MAPK4: variants seen among roughly 807,000 people sequenced by gnomAD.
The protein encoded by MAPK4 is Erk3-related.
A neutral mutation model predicts 47.7 loss-of-function variants in MAPK4; 22 were observed. That is an observed-to-expected ratio of 0.46 (90% CI 0.33 to 0.66). MAPK4 has a LOEUF of 0.66. MAPK4 is among the 30% of genes least tolerant of loss of function. The probability of loss-of-function intolerance (pLI) is 0.02; values close to 1 mark genes in which losing one functional copy is unlikely to be tolerated. For missense variants in MAPK4, 736 were observed against 831.7 expected (o/e 0.88, Z 1.42); for synonymous variants, 390 against 365.7 (o/e 1.07, Z -0.76).
At chr18:50,651,199 A>G (rs2043044718) in intron 1 of MAPK4, among the ~76,000 whole-genome samples, 1 of 152,208 alleles carries the variant, frequency 6.6e-6, no homozygotes, top group Non-Finnish European at 1.5e-5. Context: ...CTGAGAGCTT[A>G]CAGTGGATTC....
intron 1 of MAPK4, among the ~76,000 whole-genome samples, chr18:50,607,848 T>C (rs2042595436): frequency 2.0e-5 from 3 of 152,226 alleles, no homozygotes; most frequent in South Asian, 4.1e-4. Flanking sequence ...TCATCTCTGA[T>C]GGGTTTAAAG....
chr18:50,592,346 C>T (rs1048039586), intron 1 of MAPK4, among the ~76,000 whole-genome samples: 1 of 152,072 alleles, frequency 6.6e-6, no homozygotes, highest in South Asian at 2.1e-4. Context: ...GAACAGGGCT[C>T]GAGGAGAAAC....
intron 3 of MAPK4, among the ~76,000 whole-genome samples, chr18:50,720,850 C>T (rs1268362223): frequency 6.6e-6 from 1 of 152,198 alleles, no homozygotes; most frequent in African/African-American, 2.4e-5. Context: ...AGGCTGCAGG[C>T]ACTTCTTCGG....
At chr18:50,593,073 G>A (rs2042452053) in intron 1 of MAPK4, among the ~76,000 whole-genome samples, 2 of 152,170 alleles carry the variant, frequency 1.3e-5, no homozygotes. Flanking sequence ...CTTGCCTGAG[G>A]CCACACAGCT....
At chr18:50,579,460 C>G (rs1304342213) in intron 1 of MAPK4, among the ~76,000 whole-genome samples, 1 of 152,186 alleles carries the variant, frequency 6.6e-6, no homozygotes, top group African/African-American at 2.4e-5. Context: ...AAAAATGCAA[C>G]CACTTGAGAG....
At chr18:50,702,226 G>C (rs1402340654) in intron 2 of MAPK4, among the ~76,000 whole-genome samples, 2 of 149,148 alleles carry the variant, frequency 1.3e-5, no homozygotes, top group Non-Finnish European at 3.0e-5. Context: ...GAAAGACTTA[G>C]TTATCTTTTT....
chr18:50,623,784 T>A, intron 1 of MAPK4, among the ~76,000 whole-genome samples: 1 of 152,230 alleles, frequency 6.6e-6, no homozygotes, highest in Non-Finnish European at 1.5e-5. Flanking sequence ...TCAAAACCTC[T>A]TACCGTTTTA....
chr18:50,670,699 T>C (rs912101943), intron 2 of MAPK4, among the ~76,000 whole-genome samples: 2 of 150,576 alleles, frequency 1.3e-5, no homozygotes, highest in East Asian at 2.0e-4. Flanking sequence ...GGAGGTTGCA[T>C]TGAGCCAAGA....
intron 1 of MAPK4, among the ~76,000 whole-genome samples, chr18:50,599,422 A>G (rs2042514666): frequency 6.6e-6 from 1 of 151,978 alleles, no homozygotes; most frequent in Admixed American, 6.6e-5. Context: ...TTTTACTTTT[A>G]TTATTATTAT....
At chr18:50,714,972 G>T in intron 2 of MAPK4, 107 bp from the exon 3 acceptor site, 1 of 1,110,116 alleles carries the variant, frequency 9.0e-7, no homozygotes, top group South Asian at 1.5e-5. Context: ...AAGAATGAAA[G>T]GGACCCTGAA....
rs147310972 is a variant in MAPK4, at chr18:50,730,729, C to T, written c.*875C>T. 377 of 152,562 alleles carry T rather than the reference C, an allele frequency of 2.5e-3. 3 individuals are homozygous for T. The Middle Eastern group carries it at 0.027, about 11-fold the overall frequency. 9.5% of individuals were successfully genotyped at this position (152,562 alleles called of 1,614,324 possible). On this transcript the variant is annotated 3_prime_UTR_variant, in exon 6 of 6. Coordinates refer to ENST00000400384, the MANE Select transcript of MAPK4 (RefSeq NM_002747.4). Reference sequence around the variant, plus strand: ...GACACAGCCCTCTTTCCCCACTGGGCGTCCTACCCCAGTGAGGTTGAAGGC... The same window carrying T: ...GACACAGCCCTCTTTCCCCACTGGGTGTCCTACCCCAGTGAGGTTGAAGGC...
At chr18:50,577,015 C>G (rs2149360913) in intron 1 of MAPK4, among the ~76,000 whole-genome samples, 1 of 152,262 alleles carries the variant, frequency 6.6e-6, no homozygotes, top group South Asian at 2.1e-4. Context: ...GAGCTTGGAG[C>G]CTGCGCCATG....
chr18:50,641,120 T>A (rs1329993545), intron 1 of MAPK4, among the ~76,000 whole-genome samples: 6 of 152,228 alleles, frequency 3.9e-5, no homozygotes, highest in Non-Finnish European at 7.3e-5. Context: ...CCAGGCTCCA[T>A]TCTTTGTCTT....
chr18:50,679,105 T>C (rs1454931280), intron 2 of MAPK4, among the ~76,000 whole-genome samples: 1 of 152,210 alleles, frequency 6.6e-6, no homozygotes, highest in Non-Finnish European at 1.5e-5. Flanking sequence ...GGAGTCTGAG[T>C]TCCCCATGAA....
intron 1 of MAPK4, 44 bp downstream of exon 1, chr18:50,560,287 G>T (rs2042141158): frequency 6.6e-6 from 1 of 152,040 alleles, no homozygotes; most frequent in Non-Finnish European, 1.5e-5. Flanking sequence ...CGCCGCCTGC[G>T]CCTCTCGGAG....
chr18:50,625,493 G>A (rs988640126), intron 1 of MAPK4, among the ~76,000 whole-genome samples: 12 of 152,168 alleles, frequency 7.9e-5, no homozygotes, highest in African/African-American at 2.9e-4. Context: ...GAGCAAATGT[G>A]TATTGGGCTC....
chr18:50,713,708 C>T (rs1336037770), intron 2 of MAPK4, among the ~76,000 whole-genome samples: 4 of 152,284 alleles, frequency 2.6e-5, no homozygotes, highest in Admixed American at 1.3e-4. Flanking sequence ...GCGTGTCAGC[C>T]GGTAGCACCA....
intron 1 of MAPK4, among the ~76,000 whole-genome samples, chr18:50,566,894 G>A (rs993427269): frequency 9.2e-5 from 14 of 152,174 alleles, no homozygotes; most frequent in Non-Finnish European, 1.8e-4. Flanking sequence ...GTATTTTGCT[G>A]TGTATTTTTA....
chr18:50,624,423 A>T (rs957829718), intron 1 of MAPK4, among the ~76,000 whole-genome samples: 1 of 151,972 alleles, frequency 6.6e-6, no homozygotes, highest in Non-Finnish European at 1.5e-5. Context: ...GCAGTGTAGT[A>T]CTGTATATGG....
Sources: allele counts gnomAD v4.1 joint callset (sites outside exome capture counted in the v4.1 genomes callset), GRCh38; gene constraint gnomAD v4.1.1; transcripts MANE v1.5; gene names NCBI Gene and HGNC (gene_info 2026-07-23, HGNC 2026-07-21).